Variants in HRH1 observed in about 807,000 individuals in gnomAD.
HRH1 encodes histamine H1 receptor.
In HRH1, 6 loss-of-function variants were observed where a neutral mutation model predicts 10.3. The ratio of observed to expected loss-of-function variants is 0.58; its 90% CI spans 0.32 to 1.15. The LOEUF is 1.15. Among genes scored for constraint, HRH1 ranks in the 50% most tolerant of loss-of-function variants. HRH1 has a pLI of 0.05. For synonymous variants in HRH1, 242 were observed against 236.7 expected, an observed-to-expected ratio of 1.02 and a Z score of -0.21; for missense variants, 514 against 615.3, an observed-to-expected ratio of 0.84 and a Z score of 1.74.
At chr3:11,197,966 G>A (rs892875675) in intron 1 of HRH1, among the ~76,000 whole-genome samples, 1 of 152,118 alleles carries the variant, frequency 6.6e-6, no homozygotes, top group Non-Finnish European at 1.5e-5. Context: ...GGGAAATGCG[G>A]AGGCTGCGCT....
intron 1 of HRH1, among the ~76,000 whole-genome samples, chr3:11,231,533 A>G (rs1939040727): frequency 6.6e-6 from 1 of 152,134 alleles, no homozygotes; most frequent in African/African-American, 2.4e-5. Context: ...AGCCATTCTG[A>G]TGGCTGTGCA....
At chr3:11,146,812 G>A (rs1936459701) in intron 1 of HRH1, among the ~76,000 whole-genome samples, 1 of 152,224 alleles carries the variant, frequency 6.6e-6, no homozygotes, top group South Asian at 2.1e-4. Context: ...TGTCCTGGCA[G>A]CCATGGCAGC....
At chr3:11,197,324 G>A (rs1029552566) in intron 1 of HRH1, among the ~76,000 whole-genome samples, 1 of 152,028 alleles carries the variant, frequency 6.6e-6, no homozygotes, top group Non-Finnish European at 1.5e-5. Flanking sequence ...CTTCTCTCCT[G>A]GGCTGTGAGC....
At chr3:11,184,094 G>T (rs1399027351) in intron 1 of HRH1, among the ~76,000 whole-genome samples, 8 of 151,882 alleles carry the variant, frequency 5.3e-5, no homozygotes, top group Admixed American at 1.3e-4. Context: ...TCAGGCAGAG[G>T]GTGCCAAGTG....
chr3:11,259,754 G>T lies in HRH1; in HGVS notation c.717G>T (p.Leu239=). The T allele has an allele frequency of 6.2e-7, 1 of 1,614,036 alleles. No individual in the cohort carries two copies. The highest frequency in any genetic ancestry group is 8.5e-7 in the Non-Finnish European group (1 of 1,180,020). Residue 239 remains leucine, a synonymous_variant, in exon 2 of 2, where the codon CTG becomes CTT. Transcript: ENST00000431010. This position sits in a 1 kb window ranked among gnomAD's most constrained non-coding sequence, Gnocchi z 4.6. ...TCCCTTCCTTCTCAGAAATTAAGCT[G>T]AGGCCAGAGAACCCCAAGGGGGATG... ...RSLPSFSEIK[L]RPENPKGDAK...
At chr3:11,184,491 T>C (rs1574994817) in intron 1 of HRH1, among the ~76,000 whole-genome samples, 1 of 152,060 alleles carries the variant, frequency 6.6e-6, no homozygotes, top group South Asian at 2.1e-4. Context: ...GTGTCTGAGG[T>C]CGGCTTCCTC....
intron 1 of HRH1, among the ~76,000 whole-genome samples, chr3:11,244,017 T>C (rs1327048296): frequency 1.3e-5 from 2 of 152,236 alleles, no homozygotes; most frequent in African/African-American, 4.8e-5. Flanking sequence ...TAGAAAACAC[T>C]AGCTAACAAT....
intron 1 of HRH1, among the ~76,000 whole-genome samples, chr3:11,224,454 T>C (rs1400946626): frequency 6.6e-6 from 1 of 152,016 alleles, no homozygotes; most frequent in Non-Finnish European, 1.5e-5. Context: ...TCCCAGCACT[T>C]TGGGAGGCCG....
chr3:11,172,704 C>CTTTTTT (rs537415650), intron 1 of HRH1, among the ~76,000 whole-genome samples: 11 of 130,926 alleles, frequency 8.4e-5, no homozygotes, highest in African/African-American at 3.0e-4. Flanking sequence ...TTTGGCGAAT[C>CTTTTTT]TTTTTTTTTT....
At chr3:11,159,663 A>G (rs1037940598) in intron 1 of HRH1, among the ~76,000 whole-genome samples, 3 of 152,176 alleles carry the variant, frequency 2.0e-5, no homozygotes, top group African/African-American at 7.2e-5. Context: ...TTCGTTTCTC[A>G]TGCTTACTTT....
upstream of HRH1, among the ~76,000 whole-genome samples, chr3:11,151,523 G>C (rs573439323): frequency 3.9e-5 from 6 of 152,162 alleles, no homozygotes; most frequent in East Asian, 1.2e-3. Flanking sequence ...GGTGGGTACA[G>C]GGTCTTGGTC....
At position 11,260,490 on chromosome 3, in the gene HRH1, A is replaced by T; in HGVS notation, c.1453A>T (p.Ile485Phe). 6.3e-7 allele frequency: 1 copy of T among 1,598,414 alleles called. No homozygotes were observed. Among genetic ancestry groups the T allele is most frequent in the Non-Finnish European group, 8.5e-7 (1 of 1,171,282 alleles). Residue 485 changes from isoleucine (I) to phenylalanine (F), a missense_variant, in exon 2 of 2, where the codon ATT becomes TTT. Physicochemically the swap from Ile to Phe is conservative, Grantham distance 21. Coordinates refer to ENST00000431010, the MANE Select transcript of HRH1 (RefSeq NM_001098212.2). ...GAAGACATTCAAGAGAATTCTGCAT[A>T]TTCGCTCCTAAGGGAGGCTCTGAGG... ...FKKTFKRILH[I>F]RS
chr3:11,194,255 C>A (rs1937600503), intron 1 of HRH1, among the ~76,000 whole-genome samples: 1 of 152,176 alleles, frequency 6.6e-6, no homozygotes, highest in South Asian at 2.1e-4. Context: ...AGCAAACAGA[C>A]CTAGGGCACC....
intron 1 of HRH1, among the ~76,000 whole-genome samples, chr3:11,208,223 G>A (rs1329858363): frequency 6.6e-6 from 1 of 151,064 alleles, no homozygotes; most frequent in East Asian, 1.9e-4. Context: ...TGCAATCTTG[G>A]CTCACTGTGA....
At chr3:11,250,034 CTTTTTTTTTTTT>C (rs71055856) in intron 1 of HRH1, among the ~76,000 whole-genome samples, 9 of 60,802 alleles carry the variant, frequency 1.5e-4, no homozygotes, top group Admixed American at 9.8e-4. Context: ...AAGCTTTTCT[CTTTTTTTTTTTT>C]TTTTTTTTTT....
At chr3:11,244,373 G>GTA (rs1383431892) in intron 1 of HRH1, among the ~76,000 whole-genome samples, 1 of 152,218 alleles carries the variant, frequency 6.6e-6, no homozygotes, top group Non-Finnish European at 1.5e-5. Flanking sequence ...CCAGGCAGCT[G>GTA]TATACTCAGC....
At chr3:11,223,183 C>CTA (rs1938767256) in intron 1 of HRH1, among the ~76,000 whole-genome samples, 3 of 26,786 alleles carry the variant, frequency 1.1e-4, no homozygotes, top group Non-Finnish European at 1.9e-4. Context: ...GACTTCGTCT[C>CTA]AAAAAAAAAA....
At chr3:11,166,956 T>C (rs1937050829) in intron 1 of HRH1, among the ~76,000 whole-genome samples, 1 of 146,626 alleles carries the variant, frequency 6.8e-6, no homozygotes, top group Non-Finnish European at 1.5e-5. Context: ...TCCAGGCTAG[T>C]GACATCTGCT....
At chr3:11,234,241 T>C (rs916186312) in intron 1 of HRH1, 2 of 1,508,618 alleles carry the variant, frequency 1.3e-6, no homozygotes, top group Non-Finnish European at 1.8e-6. Flanking sequence ...GCCCAGTGCC[T>C]TGTGGCCTTC....
Sources: allele counts gnomAD v4.1 joint callset (sites outside exome capture counted in the v4.1 genomes callset), GRCh38; gene constraint gnomAD v4.1.1; non-coding constraint Gnocchi (gnomAD v3.1); transcripts MANE v1.5; gene names NCBI Gene and HGNC (gene_info 2026-07-23, HGNC 2026-07-21).